Variants in ASXL1 observed in about 807,000 individuals in gnomAD.
The protein encoded by ASXL1 is ASXL transcriptional regulator 1, also known as polycomb group protein ASXL1.
A neutral mutation model predicts 89.1 loss-of-function variants in ASXL1; 65 were observed. The ratio of observed to expected loss-of-function variants is 0.73; its 90% CI spans 0.60 to 0.90. The LOEUF (loss-of-function observed/expected upper bound fraction) is 0.90, where lower values mean the gene tolerates loss of function less well. Among genes scored for constraint, ASXL1 ranks in the 40% least tolerant of loss-of-function variants. The pLI is 0.00. For synonymous variants in ASXL1, 739 were observed against 746.9 expected (o/e 0.99, Z 0.17); for missense variants, 1,786 against 1,942.9 (o/e 0.92, Z 1.52).
At chr20:32,407,504 C>T (rs2048975510) in intron 4 of ASXL1, among the ~76,000 whole-genome samples, 1 of 152,006 alleles carries the variant, frequency 6.6e-6, no homozygotes, top group Admixed American at 6.6e-5. Context: ...CCTCTGTCAC[C>T]CACGCTAGAG....
At position 32,359,711 on chromosome 20, in the gene ASXL1, C is replaced by T. The variant is rs1271173923; in HGVS notation, c.57+879C>T. 7.0e-6 allele frequency: 5 copies of T among 718,004 alleles called. No homozygotes were observed. In the Admixed American group the frequency reaches 1.0e-4, roughly 14 times the overall value. 44.5% of individuals were successfully genotyped at this position (718,004 alleles called of 1,614,324 possible). ...TCACTGAGGATTTAGCAAGGGAGAG[C>T]GTAACTTGAGTGTTTGAAGCCGTCT... On this transcript the variant is annotated intron_variant, in intron 1 of 12. Coordinates refer to ENST00000375687, the MANE Select transcript of ASXL1 (RefSeq NM_015338.6).
intron 10 of ASXL1, among the ~76,000 whole-genome samples, chr20:32,431,899 T>C (rs1272205570): frequency 6.6e-6 from 1 of 152,236 alleles, no homozygotes; most frequent in African/African-American, 2.4e-5. Context: ...ATTGTATGTA[T>C]GTACTCATTC....
At chr20:32,426,035 C>T (rs950566234) in intron 4 of ASXL1, among the ~76,000 whole-genome samples, 8 of 152,118 alleles carry the variant, frequency 5.3e-5, no homozygotes, top group African/African-American at 1.9e-4. Context: ...AATACAAGTT[C>T]TTTATTGGTT....
In ASXL1 at chr20:32,429,168, A is replaced by G; in HGVS notation, c.472-170A>G. On this transcript the variant is annotated intron_variant, in intron 6 of 12. Transcript: ENST00000375687. This position sits in a 1 kb window ranked among gnomAD's most constrained non-coding sequence, Gnocchi z 4.9. ...TGGAATGATGCTTGGCACAGTGACC[A>G]GCACGTAGCTCAGTAACATTAACCA... 4.3e-6 allele frequency: 3 copies of G among 694,320 alleles called. No homozygotes were observed. The highest frequency in any genetic ancestry group is 2.1e-5 in the Admixed American group (1 of 47,056). 43.0% of individuals were successfully genotyped at this position (694,320 alleles called of 1,614,324 possible).
intron 3 of ASXL1, among the ~76,000 whole-genome samples, 155 bp downstream of exon 3, chr20:32,367,884 G>A (rs535134026): frequency 7.9e-5 from 12 of 152,280 alleles, no homozygotes; most frequent in Non-Finnish European, 1.5e-4. Flanking sequence ...AGTCACAGAA[G>A]AGCTGTGCCA....
At chr20:32,402,226 C>A (rs1283425214) in intron 4 of ASXL1, among the ~76,000 whole-genome samples, 1 of 152,158 alleles carries the variant, frequency 6.6e-6, no homozygotes, top group Non-Finnish European at 1.5e-5. Flanking sequence ...GAGCATTTCT[C>A]CCCCCTAAAT....
rs750648431 is a variant in ASXL1, at chr20:32,436,791, C to T, written c.4079C>T (p.Pro1360Leu). The T allele has an allele frequency of 1.2e-6, 2 of 1,614,208 alleles. No homozygotes were observed. The highest frequency in any genetic ancestry group is 1.7e-5 in the Admixed American group (1 of 60,036). The change falls in exon 13 of 13, where the codon CCA becomes CTA. Residue 1360 changes from proline to leucine, a missense_variant. Physicochemically the swap from Pro to Leu is moderately conservative, Grantham distance 98 (BLOSUM62 -3). Transcript: ENST00000375687. Reference sequence around the variant, plus strand: ...CCAAGGGAAGACTGGGCTCCAAAGCCACATGCCTTTGTTGGCAGCGTCAAG... The same window carrying T: ...CCAAGGGAAGACTGGGCTCCAAAGCTACATGCCTTTGTTGGCAGCGTCAAG... The part of the protein sequence containing the change: ...QTPREDWAPK[P>L]HAFVGSVKNE...
chr20:32,358,915 G>A (rs2048059815), intron 1 of ASXL1, 83 bp downstream of exon 1: 1 of 1,336,966 alleles, frequency 7.5e-7, no homozygotes, highest in Non-Finnish European at 9.8e-7. Context: ...GGGGGGAGGG[G>A]CAAGGCCCTG....
chr20:32,406,940 A>T (rs1456504419), intron 4 of ASXL1, among the ~76,000 whole-genome samples: 1 of 152,132 alleles, frequency 6.6e-6, no homozygotes, highest in Non-Finnish European at 1.5e-5. Context: ...ATGGATGCCT[A>T]CCTTGCTGTG....
In ASXL1 at chr20:32,428,234, G is replaced by T; in HGVS notation, c.359G>T (p.Ser120Ile). The T allele has an allele frequency of 6.2e-7, 1 of 1,614,224 alleles. No individual in the cohort carries two copies. The highest frequency in any genetic ancestry group is 8.5e-7 in the Non-Finnish European group (1 of 1,180,044). Residue 120 changes from serine to isoleucine, a missense_variant, in exon 5 of 13, where the codon AGT (serine) becomes ATT (isoleucine). Physicochemically the swap from Ser to Ile is moderately radical, Grantham distance 142. Around this residue, in one of 3 missense-constraint regions of ASXL1, gnomAD observed 332 missense variants for 449.7 expected, o/e 0.74. Transcript: ENST00000375687. ...GGGTCTAATGAAGCCAGCACTGTGA[G>T]TGGTGAAAACGATGGTAAGGACCCT... ...SCGSNEASTVSGENDVSLDET... is the reference protein window; with the variant it reads ...SCGSNEASTVIGENDVSLDET...
At chr20:32,395,502 A>C (rs2048746635) in intron 4 of ASXL1, among the ~76,000 whole-genome samples, 1 of 152,052 alleles carries the variant, frequency 6.6e-6, no homozygotes, top group Non-Finnish European at 1.5e-5. Context: ...AGTTTGCGTC[A>C]TATTTCTTGT....
intron 1 of ASXL1, 198 bp downstream of exon 1, chr20:32,359,030 C>T (rs992780549): frequency 2.6e-5 from 16 of 623,588 alleles, no homozygotes; most frequent in Non-Finnish European, 4.1e-5. Flanking sequence ...CGCCTTTTTC[C>T]GCTCGCCCTC....
In ASXL1 at chr20:32,437,367, A is replaced by T; in HGVS notation, c.*29A>T. The T allele has an allele frequency of 6.2e-7, 1 of 1,602,808 alleles. No homozygotes were observed. Among genetic ancestry groups the T allele is most frequent in the Non-Finnish European group, 8.5e-7 (1 of 1,169,882 alleles). On this transcript the variant is annotated 3_prime_UTR_variant, in exon 13 of 13. Coordinates refer to ENST00000375687, the MANE Select transcript of ASXL1 (RefSeq NM_015338.6). ...ATTATGGCCATGGGAAACATTGTAT[A>T]TTTAGTGTGTGTATTTTGATAATGA... is the stretch of plus-strand genomic sequence containing the variant.
chr20:32,364,481 G>A (rs1392617827), intron 1 of ASXL1, among the ~76,000 whole-genome samples: 2 of 152,072 alleles, frequency 1.3e-5, no homozygotes, highest in African/African-American at 2.4e-5. Context: ...GCCTCCCAAA[G>A]TGCTGGGATT....
chr20:32,375,017 C>G (rs924006807), intron 4 of ASXL1, among the ~76,000 whole-genome samples: 1 of 152,056 alleles, frequency 6.6e-6, no homozygotes, highest in African/African-American at 2.4e-5. Flanking sequence ...AGGCCAAGGT[C>G]GAGGGGACAT....
intron 1 of ASXL1, chr20:32,360,455 G>A (rs562554083): frequency 6.6e-6 from 1 of 152,518 alleles, no homozygotes; most frequent in East Asian, 1.9e-4. Flanking sequence ...GAGTGGGAGA[G>A]AGCTCTCGTT....
At chr20:32,383,040 A>G (rs1258386957) in intron 4 of ASXL1, among the ~76,000 whole-genome samples, 1 of 152,162 alleles carries the variant, frequency 6.6e-6, no homozygotes, top group East Asian at 1.9e-4. Flanking sequence ...TTGAGGTTAG[A>G]ACCCAGGACC....
intron 4 of ASXL1, among the ~76,000 whole-genome samples, chr20:32,378,964 TTAAAAA>T (rs1377499519): frequency 2.0e-5 from 3 of 151,306 alleles, no homozygotes; most frequent in African/African-American, 4.9e-5. Flanking sequence ...CCTGTCTCTA[TTAAAAA>T]TAAAAAAAAA....
chr20:32,402,664 T>G (rs2123062476), intron 4 of ASXL1, among the ~76,000 whole-genome samples: 1 of 152,342 alleles, frequency 6.6e-6, no homozygotes, highest in East Asian at 1.9e-4. Flanking sequence ...AATAGATGCA[T>G]AGTAGTATCT....
Sources: allele counts gnomAD v4.1 joint callset (sites outside exome capture counted in the v4.1 genomes callset), GRCh38; gene constraint gnomAD v4.1.1; regional missense constraint gnomAD v4.1.1; non-coding constraint Gnocchi (gnomAD v3.1); transcripts MANE v1.5; gene names NCBI Gene and HGNC (gene_info 2026-07-23, HGNC 2026-07-21).